The following HHAT variants were observed in gnomAD, a reference collection of about 807,000 sequenced individuals.
HHAT encodes the protein protein-cysteine N-palmitoyltransferase HHAT.
Under a neutral mutation model 70.8 loss-of-function variants are expected in HHAT, and 47 were observed. The observed-to-expected ratio is 0.66, with a 90% CI of 0.53 to 0.85. The LOEUF is 0.85. Ranked by LOEUF, HHAT falls within the 40% of genes least tolerant of loss-of-function variation. The probability of loss-of-function intolerance (pLI) is 0.00; values close to 1 mark genes in which losing one functional copy is unlikely to be tolerated. For synonymous variants in HHAT, 228 were observed against 247.6 expected (o/e 0.92, Z 0.74); for missense variants, 609 against 604.8 (o/e 1.01, Z -0.07).
intron 1 of HHAT, among the ~76,000 whole-genome samples, chr1:210,338,964 G>A (rs1369290725): frequency 6.6e-6 from 1 of 152,146 alleles, no homozygotes; most frequent in Non-Finnish European, 1.5e-5. Flanking sequence ...GAGCCCAGGA[G>A]TTAGAGCTGT....
At chr1:210,593,409 TTTC>T (rs1224010837) in intron 10 of HHAT, among the ~76,000 whole-genome samples, 2 of 152,148 alleles carry the variant, frequency 1.3e-5, no homozygotes, top group African/African-American at 2.4e-5. Flanking sequence ...AGTTTTTCAA[TTTC>T]TTAAGTTCTT....
At chr1:210,538,812 A>G (rs2095400333) in intron 9 of HHAT, among the ~76,000 whole-genome samples, 1 of 152,192 alleles carries the variant, frequency 6.6e-6, no homozygotes, top group African/African-American at 2.4e-5. Flanking sequence ...CACAGTGGCT[A>G]ATGCCTGTAA....
At chr1:210,404,780 C>T (rs1415638436) in intron 6 of HHAT, 101 bp downstream of exon 6, 6 of 854,250 alleles carry the variant, frequency 7.0e-6, no homozygotes, top group South Asian at 6.7e-5. Context: ...TCAGAGGTGC[C>T]CACAGATTTA....
At chr1:210,554,122 A>C (rs1398941234) in intron 9 of HHAT, among the ~76,000 whole-genome samples, 3 of 134,554 alleles carry the variant, frequency 2.2e-5, no homozygotes, top group Non-Finnish European at 4.6e-5. Context: ...GCATTTTAAG[A>C]AAGAGAGTAA....
At chr1:210,513,418 G>A (rs1050894017) in intron 9 of HHAT, among the ~76,000 whole-genome samples, 2 of 152,206 alleles carry the variant, frequency 1.3e-5, no homozygotes, top group African/African-American at 4.8e-5. Flanking sequence ...AGTTACCTAA[G>A]ATCTTGACAA....
intron 8 of HHAT, among the ~76,000 whole-genome samples, chr1:210,506,109 C>G (rs1558047481): frequency 6.6e-6 from 1 of 152,152 alleles, no homozygotes; most frequent in Admixed American, 6.5e-5. Flanking sequence ...CCTCTGTGCT[C>G]TGTGAGTAAG....
At chr1:210,469,232 T>A (rs1362973755) in intron 8 of HHAT, among the ~76,000 whole-genome samples, 3 of 152,280 alleles carry the variant, frequency 2.0e-5, no homozygotes, top group African/African-American at 7.2e-5. Flanking sequence ...GGAAGCAGTA[T>A]GGGCTGGACC....
chr1:210,536,570 A>G (rs2095373891), intron 9 of HHAT, among the ~76,000 whole-genome samples: 1 of 152,260 alleles, frequency 6.6e-6, no homozygotes, highest in South Asian at 2.1e-4. Context: ...TGGAAGAACA[A>G]TATGGGAGAA....
At chr1:210,416,374 A>G (rs750529815) in intron 6 of HHAT, among the ~76,000 whole-genome samples, 1 of 152,350 alleles carries the variant, frequency 6.6e-6, no homozygotes, top group South Asian at 2.1e-4. Flanking sequence ...GACATTTAGC[A>G]TTAGTCTGTC....
intron 9 of HHAT, among the ~76,000 whole-genome samples, chr1:210,550,632 A>C (rs1218635501): frequency 6.7e-6 from 1 of 148,820 alleles, no homozygotes; most frequent in Admixed American, 6.9e-5. Flanking sequence ...CCAAAACTCA[A>C]CATTGAATTA....
In HHAT at chr1:210,662,641, T is replaced by C. The variant is rs1390208911; in HGVS notation, c.1391-11647T>C. On this transcript the variant is annotated intron_variant, in intron 11 of 11. Transcript: ENST00000261458. ...TCTGGAAAGCAGGTCCCCTACCTAGTTGTCCCTGGAGAGAGAAAATATTTG... is the reference window on the plus strand; with the variant it reads ...TCTGGAAAGCAGGTCCCCTACCTAGCTGTCCCTGGAGAGAGAAAATATTTG... Among the ~76,000 whole-genome samples, 3 of 152,054 alleles carry C rather than the reference T, an allele frequency of 2.0e-5. No individual in the cohort carries two copies. In the East Asian group the frequency reaches 5.8e-4, roughly 29 times the overall value.
At chr1:210,667,698 C>G (rs1056061208) in intron 11 of HHAT, among the ~76,000 whole-genome samples, 1 of 152,024 alleles carries the variant, frequency 6.6e-6, no homozygotes, top group East Asian at 1.9e-4. Flanking sequence ...AACCTGTCGC[C>G]GCCCAGCCCC....
chr1:210,594,698 A>G (rs1662536023), intron 10 of HHAT, among the ~76,000 whole-genome samples: 1 of 152,138 alleles, frequency 6.6e-6, no homozygotes, highest in African/African-American at 2.4e-5. Context: ...TTTCTTTCAG[A>G]TTGAAGAACT....
intron 9 of HHAT, among the ~76,000 whole-genome samples, chr1:210,584,177 A>G (rs537702877): frequency 2.6e-5 from 4 of 151,914 alleles, no homozygotes; most frequent in East Asian, 1.9e-4. Flanking sequence ...CCTGACCTCA[A>G]GTGACCCCCC....
In HHAT at chr1:210,395,457, A is replaced by C. The variant is rs532362216; in HGVS notation, c.274-5011A>C. ...TGACACCAATCCTTGGAGCTCTGCC[A>C]GCTCAACTGGTTATTCTCCCGGGAG... On this transcript the variant is annotated intron_variant, in intron 4 of 11. Transcript: ENST00000261458. Among the ~76,000 whole-genome samples, 35 of 152,196 alleles carry C rather than the reference A, an allele frequency of 2.3e-4. 1 individual carries two copies. The highest frequency in any genetic ancestry group is 3.7e-4 in the Non-Finnish European group (25 of 68,036).
At chr1:210,349,625 A>C (rs2086832072) in intron 2 of HHAT, among the ~76,000 whole-genome samples, 1 of 148,024 alleles carries the variant, frequency 6.8e-6, no homozygotes, top group South Asian at 2.2e-4. Context: ...AATAGTCTTT[A>C]GGTTGGTGGC....
chr1:210,376,303 G>A (rs1040669052), intron 3 of HHAT, among the ~76,000 whole-genome samples: 14 of 151,792 alleles, frequency 9.2e-5, no homozygotes, highest in African/African-American at 1.9e-4. Context: ...GCTTATTGTC[G>A]TTCCTTAGGC....
intron 1 of HHAT, among the ~76,000 whole-genome samples, chr1:210,334,291 G>A (rs2085284280): frequency 6.7e-6 from 1 of 150,306 alleles, no homozygotes; most frequent in Non-Finnish European, 1.5e-5. Flanking sequence ...GAGCAGCTGG[G>A]GCTACTGGCA....
chr1:210,550,626 A>C (rs1227845730), intron 9 of HHAT, among the ~76,000 whole-genome samples: 1 of 148,896 alleles, frequency 6.7e-6, no homozygotes, highest in East Asian at 2.3e-4. Flanking sequence ...ACCCCACCAA[A>C]ACTCAACATT....
Sources: allele counts gnomAD v4.1 joint callset (sites outside exome capture counted in the v4.1 genomes callset), GRCh38; gene constraint gnomAD v4.1.1; transcripts MANE v1.5; gene names NCBI Gene and HGNC (gene_info 2026-07-23, HGNC 2026-07-21).